The following C1QTNF3 variants were observed in gnomAD, a reference collection of about 807,000 sequenced individuals.
The protein encoded by C1QTNF3 is C1q and TNF related 3, also known as complement C1q tumor necrosis factor-related protein 3.
In C1QTNF3, 26 loss-of-function variants were observed where a neutral mutation model predicts 32.6. The ratio of observed to expected loss-of-function variants is 0.80; its 90% CI spans 0.58 to 1.11. The LOEUF is 1.11. C1QTNF3 is among the 50% of genes least tolerant of loss of function. The pLI is 0.00. For missense variants in C1QTNF3, 362 were observed against 398.2 expected, an observed-to-expected ratio of 0.91 and a Z score of 0.77; for synonymous variants, 155 against 146.0, an observed-to-expected ratio of 1.06 and a Z score of -0.44.
the C1QTNF3 span, among the ~76,000 whole-genome samples, chr5:34,210,839 A>G: frequency 5.3e-5 from 8 of 152,072 alleles, no homozygotes; most frequent in Non-Finnish European, 1.0e-4. Flanking sequence ...TTTCTTGCCC[A>G]AGTTATATGG....
chr5:34,210,782 C>G, the C1QTNF3 span, among the ~76,000 whole-genome samples: 3 of 151,968 alleles, frequency 2.0e-5, no homozygotes, highest in Non-Finnish European at 4.4e-5. Context: ...ATAGCTGTCC[C>G]TAAAACATAA....
At chr5:34,039,021 T>C (rs964023879) in intron 1 of C1QTNF3, among the ~76,000 whole-genome samples, 4 of 151,482 alleles carry the variant, frequency 2.6e-5, no homozygotes, top group African/African-American at 9.7e-5. Flanking sequence ...ATCTCAGGAG[T>C]TGCGCAAGTG....
chr5:34,205,241 T>G, the C1QTNF3 span, among the ~76,000 whole-genome samples: 1 of 151,664 alleles, frequency 6.6e-6, no homozygotes. Flanking sequence ...GGAGTGGGGG[T>G]TTAGAGATAC....
rs1209788223 is a variant in C1QTNF3, at chr5:34,035,723, A to G, written c.339T>C (p.Ser113=). Residue 113 remains serine, a synonymous_variant, in exon 2 of 6, where the codon AGT becomes AGC. Transcript: ENST00000382065. The part of the protein sequence containing the change: ...PQTGGLPPDC[S]KCCHGDYSFR... ...AGCTGTAGTCTCCATGACAACACTTACTGCAGTCTGGGGGTAGTCCTCCGG... is the reference window on the plus strand; with the variant it reads ...AGCTGTAGTCTCCATGACAACACTTGCTGCAGTCTGGGGGTAGTCCTCCGG... 3 of 1,612,694 alleles carry G rather than the reference A, an allele frequency of 1.9e-6. No homozygotes were observed. In the South Asian group the frequency reaches 3.3e-5, roughly 18 times the overall value.
In C1QTNF3 at chr5:34,019,008, G is replaced by C. The variant is rs985030352; in HGVS notation, c.*1575C>G. Among the ~76,000 whole-genome samples the C allele has an allele frequency of 6.6e-6, 1 of 152,004 alleles. No homozygotes were observed. The highest frequency in any genetic ancestry group is 1.5e-5 in the Non-Finnish European group (1 of 68,012). The stretch of plus-strand genomic sequence containing the variant: ...CTGGTCCTGGTGGTGGGCGCCTGTA[G>C]TCCCAGCTACTCAGGAGGCTGAGGT... On this transcript the variant is annotated 3_prime_UTR_variant, in exon 6 of 6. Coordinates refer to ENST00000382065, the MANE Select transcript of C1QTNF3 (RefSeq NM_181435.6).
chr5:34,161,289 C>T, the C1QTNF3 span, among the ~76,000 whole-genome samples: 1 of 151,964 alleles, frequency 6.6e-6, no homozygotes, highest in Admixed American at 6.6e-5. Context: ...GTTTATGTAG[C>T]CAAACCTTCC....
At chr5:34,031,966 C>T (rs374250409) in intron 3 of C1QTNF3, among the ~76,000 whole-genome samples, 17 of 152,316 alleles carry the variant, frequency 1.1e-4, no homozygotes, top group Admixed American at 5.2e-4. Flanking sequence ...CCACCATACA[C>T]GCACAAATGA....
At chr5:34,037,843 CTG>C (rs1754778859) in intron 1 of C1QTNF3, among the ~76,000 whole-genome samples, 1 of 152,196 alleles carries the variant, frequency 6.6e-6, no homozygotes, top group African/African-American at 2.4e-5. Flanking sequence ...TAATCCAAAA[CTG>C]TAATCTGAGA....
chr5:34,060,068 G>A, the C1QTNF3 span, among the ~76,000 whole-genome samples: 1 of 152,176 alleles, frequency 6.6e-6, no homozygotes, highest in Non-Finnish European at 1.5e-5. Context: ...GACACAATCA[G>A]TGCACAGAAT....
At chr5:34,217,500 C>T in the C1QTNF3 span, among the ~76,000 whole-genome samples, 2 of 152,170 alleles carry the variant, frequency 1.3e-5, no homozygotes, top group East Asian at 3.9e-4. Context: ...ATGCTTCTAG[C>T]CACCATGTCT....
At position 34,028,736 on chromosome 5, in the gene C1QTNF3, C is replaced by T; in HGVS notation, c.700+18G>A. 6.3e-7 allele frequency: 1 copy of T among 1,592,648 alleles called. No individual in the cohort carries two copies. Among genetic ancestry groups the T allele is most frequent in the South Asian group, 1.1e-5 (1 of 87,714 alleles). On this transcript the variant is annotated intron_variant, in intron 4 of 5. Transcript: ENST00000382065. ...TTACATTGATTAACTCAATCTTCAT[C>T]CTATGTTTCCATCTCACCTGATACT...
chr5:34,173,577 GACAA>G, the C1QTNF3 span, among the ~76,000 whole-genome samples: 3 of 118,616 alleles, frequency 2.5e-5, no homozygotes, highest in Non-Finnish European at 5.1e-5. Flanking sequence ...CTATATCTAT[GACAA>G]ACACTTTAAA....
the C1QTNF3 span, among the ~76,000 whole-genome samples, chr5:34,231,136 G>A: frequency 6.6e-6 from 1 of 151,954 alleles, no homozygotes; most frequent in Non-Finnish European, 1.5e-5. Context: ...TACTTTCTTG[G>A]CACAGGGTTT....
Sources: gnomAD v4.1 joint callset for allele counts (sites outside exome capture counted in the v4.1 genomes callset) on GRCh38, gnomAD v4.1.1 for gene constraint, MANE v1.5 for transcripts, NCBI Gene and HGNC (gene_info 2026-07-23, HGNC 2026-07-21) for gene names.